The following HERC1 variants were observed in gnomAD, a reference collection of about 807,000 sequenced individuals.
HERC1 encodes the protein HECT and RLD domain containing E3 ubiquitin protein ligase family member 1, also known as probable E3 ubiquitin-protein ligase HERC1.
Under a neutral mutation model 554.3 loss-of-function variants are expected in HERC1, and 160 were observed. The observed-to-expected ratio is 0.29, with a 90% CI of 0.25 to 0.33. The LOEUF is 0.33. Among genes scored for constraint, HERC1 ranks in the 10% least tolerant of loss-of-function variants. The probability of loss-of-function intolerance (pLI) is 1.00; values close to 1 mark genes in which losing one functional copy is unlikely to be tolerated. For synonymous variants in HERC1, 2,175 were observed against 2,131.7 expected, an observed-to-expected ratio of 1.02 and a Z score of -0.56; for missense variants, 4,919 against 5,918.5, an observed-to-expected ratio of 0.83 and a Z score of 5.54.
At chr15:63,613,933 G>T (rs978992671) in intron 76 of HERC1, among the ~76,000 whole-genome samples, 12 of 152,180 alleles carry the variant, frequency 7.9e-5, no homozygotes, top group Non-Finnish European at 1.5e-4. Context: ...ACCAAAGTCT[G>T]CCAAACGAAA....
intron 17 of HERC1, among the ~76,000 whole-genome samples, chr15:63,726,167 A>G (rs2074032199): frequency 6.6e-6 from 1 of 152,146 alleles, no homozygotes; most frequent in African/African-American, 2.4e-5. Flanking sequence ...TTTTTAGTAG[A>G]GATGGGGTTT....
At chr15:63,808,593 A>G (rs7173437) in intron 1 of HERC1, among the ~76,000 whole-genome samples, 123,672 of 152,200 alleles carry the variant, frequency 0.81, 52,054 homozygotes, top group Non-Finnish European at 0.87. Context: ...GCTCATCAAT[A>G]TACTTTTTAA....
chr15:63,611,652 G>C (rs988948498), intron 77 of HERC1, among the ~76,000 whole-genome samples: 5 of 152,216 alleles, frequency 3.3e-5, no homozygotes, highest in African/African-American at 1.2e-4. Context: ...GCAGTATGAT[G>C]ATCCTTCTGC....
Position 63,756,065 on chromosome 15 carries a change from T to C in HERC1, c.1533+372A>G, listed in dbSNP as rs1416264681. On this transcript the variant is annotated intron_variant, in intron 5 of 77. Transcript: ENST00000443617. This position sits in a 1 kb window ranked among gnomAD's most constrained non-coding sequence, Gnocchi z 5.0. ...TTATTCTATATGCTTGTTAACTTATTATCTCTATCCTGAAGACTAAAGGAT... is the reference window on the plus strand; with the variant it reads ...TTATTCTATATGCTTGTTAACTTATCATCTCTATCCTGAAGACTAAAGGAT... Among the ~76,000 whole-genome samples, 1 of 152,216 alleles carries C rather than the reference T, an allele frequency of 6.6e-6. No homozygotes were observed. Among genetic ancestry groups the C allele is most frequent in the Non-Finnish European group, 1.5e-5 (1 of 68,030 alleles).
chr15:63,707,240 A>G (rs2073052032), intron 24 of HERC1, among the ~76,000 whole-genome samples: 1 of 152,162 alleles, frequency 6.6e-6, no homozygotes, highest in Admixed American at 6.5e-5. Flanking sequence ...CAAAACTTCC[A>G]CTAGCCTTCG....
rs1347170664 is a variant in HERC1 at position 63,749,339 on chromosome 15, A to G, written c.2219+28T>C. 3 of 1,540,680 alleles carry G rather than the reference A, an allele frequency of 1.9e-6. No individual in the cohort carries two copies. Among genetic ancestry groups the G allele is most frequent in the African/African-American group, 1.4e-5 (1 of 71,768 alleles). On this transcript the variant is annotated intron_variant, in intron 10 of 77. Transcript: ENST00000443617. This position sits in a 1 kb window ranked among gnomAD's most constrained non-coding sequence, Gnocchi z 4.1. Reference sequence around the variant, plus strand: ...TATTGGTGTTTATGTTAAAACACACAAGAATTTTTAAACATAGGCACTCTT... The same window carrying G: ...TATTGGTGTTTATGTTAAAACACACGAGAATTTTTAAACATAGGCACTCTT...
chr15:63,796,325 A>G (rs2076811578), intron 1 of HERC1, among the ~76,000 whole-genome samples: 1 of 152,196 alleles, frequency 6.6e-6, no homozygotes, highest in South Asian at 2.1e-4. Context: ...TAATATGTGG[A>G]TAAGGGTACT....
intron 48 of HERC1, among the ~76,000 whole-genome samples, chr15:63,657,887 G>C (rs1197353043): frequency 6.6e-6 from 1 of 151,994 alleles, no homozygotes; most frequent in Admixed American, 6.6e-5. Context: ...GAAAAAAACA[G>C]CCTTTCTCTA....
chr15:63,801,988 T>G (rs1198089016), intron 1 of HERC1, among the ~76,000 whole-genome samples: 3 of 152,188 alleles, frequency 2.0e-5, no homozygotes, highest in African/African-American at 7.2e-5. Context: ...AAAACTGAAC[T>G]CTCGACGTCT....
chr15:63,690,852 T>C (rs1013224797), intron 31 of HERC1, among the ~76,000 whole-genome samples: 26 of 152,322 alleles, frequency 1.7e-4, no homozygotes, highest in African/African-American at 5.8e-4. Context: ...AGTTTTTATG[T>C]ATACATAATG....
chr15:63,659,795 C>G lies in HERC1; in HGVS notation c.9365G>C (p.Gly3122Ala). 1 of 1,613,950 alleles carries G rather than the reference C, an allele frequency of 6.2e-7. No individual in the cohort carries two copies. Among genetic ancestry groups the G allele is most frequent in the Non-Finnish European group, 8.5e-7 (1 of 1,179,838 alleles). The change falls in exon 47 of 78, where the codon GGA (glycine) becomes GCA (alanine). Residue 3122 changes from glycine (G) to alanine (A), a missense_variant. Around this residue, in one of 11 missense-constraint regions of HERC1, gnomAD observed 1,963 missense variants for 2,228.6 expected, o/e 0.88. Transcript: ENST00000443617. ...GGCTGTGACCATTGCTACTGATGCT[C>G]CCAGTGGATCGCTGTCAGGGAACTG... ...PVQFPDSDPLGASVAMVTATN... is the reference protein window; with the variant it reads ...PVQFPDSDPLAASVAMVTATN...
At chr15:63,618,618 ATTCTTCCT>A (rs1282817408) in intron 74 of HERC1, among the ~76,000 whole-genome samples, 1 of 152,090 alleles carries the variant, frequency 6.6e-6, no homozygotes, top group Non-Finnish European at 1.5e-5. Flanking sequence ...CACGATATTG[ATTCTTCCT>A]ACCCATGAGC....
At chr15:63,779,100 T>A (rs1331202509) in intron 1 of HERC1, among the ~76,000 whole-genome samples, 1 of 150,716 alleles carries the variant, frequency 6.6e-6, no homozygotes, top group African/African-American at 2.4e-5. Context: ...ATGAAAAGGG[T>A]GAGAGAAATA....
chr15:63,643,796 C>A (rs887189169), intron 57 of HERC1, among the ~76,000 whole-genome samples: 1 of 152,162 alleles, frequency 6.6e-6, no homozygotes, highest in Non-Finnish European at 1.5e-5. Flanking sequence ...CTTCAAACTA[C>A]AGAAATAACA....
At chr15:63,698,674 G>A in intron 26 of HERC1, 54 bp downstream of exon 26, 3 of 1,521,228 alleles carry the variant, frequency 2.0e-6, no homozygotes, top group Non-Finnish European at 2.7e-6. Flanking sequence ...TACATTCAAT[G>A]GTTCAGTTTT....
rs765979907 is a variant in HERC1, at chr15:63,664,511, T to G, written c.8639A>C (p.His2880Pro). Reference protein sequence around the residue: ...ARGRSAVTRRHKFDLAARTLL... With the variant: ...ARGRSAVTRRPKFDLAARTLL... ...TGTGCGAGCAGCTAAGTCAAACTTG[T>G]GTCTTCTTGTTACCGCTGAGCGACC... is the stretch of plus-strand genomic sequence containing the variant. The change falls in exon 43 of 78, where the codon CAC (histidine) becomes CCC (proline). Residue 2880 changes from histidine (H) to proline (P), a missense_variant. By Grantham distance (77) the His-to-Pro change is moderately conservative. Around this residue, in one of 11 missense-constraint regions of HERC1, gnomAD observed 1,963 missense variants for 2,228.6 expected, o/e 0.88. Coordinates refer to ENST00000443617, the MANE Select transcript of HERC1 (RefSeq NM_003922.4). 1.2e-6 allele frequency: 2 copies of G among 1,613,740 alleles called. No homozygotes were observed. Among genetic ancestry groups the G allele is most frequent in the African/African-American group, 2.7e-5 (2 of 75,044 alleles).
chr15:63,818,088 T>C (rs918771084), intron 1 of HERC1, among the ~76,000 whole-genome samples: 4 of 152,110 alleles, frequency 2.6e-5, no homozygotes, highest in African/African-American at 9.7e-5. Context: ...TATATAATAA[T>C]TACTCTTATT....
chr15:63,688,626 G>A (rs1247634288), intron 33 of HERC1, among the ~76,000 whole-genome samples: 1 of 152,056 alleles, frequency 6.6e-6, no homozygotes, highest in Admixed American at 6.6e-5. Context: ...AGATTGAATA[G>A]AAGAAGAAGA....
chr15:63,743,016 T>C (rs60219663), intron 12 of HERC1, among the ~76,000 whole-genome samples: 1 of 152,300 alleles, frequency 6.6e-6, no homozygotes, highest in African/African-American at 2.4e-5. Flanking sequence ...AGTATTAGCT[T>C]CTCTTCTACA....
Sources: allele counts gnomAD v4.1 joint callset (sites outside exome capture counted in the v4.1 genomes callset), GRCh38; gene constraint gnomAD v4.1.1; regional missense constraint gnomAD v4.1.1; non-coding constraint Gnocchi (gnomAD v3.1); transcripts MANE v1.5; gene names NCBI Gene and HGNC (gene_info 2026-07-23, HGNC 2026-07-21).